Variants in ADAMTS20 observed in about 807,000 individuals in gnomAD.
ADAMTS20 encodes A disintegrin and metalloproteinase with thrombospondin motifs 20.
In ADAMTS20, 225 loss-of-function variants were observed where a neutral mutation model predicts 260.1. The observed-to-expected ratio is 0.87, with a 90% confidence interval of 0.78 to 0.97. ADAMTS20 has a LOEUF of 0.97. Ranked by LOEUF, ADAMTS20 falls within the 50% of genes least tolerant of loss-of-function variation. The pLI, the probability that ADAMTS20 is intolerant of heterozygous loss-of-function variation, is 0.00. For synonymous variants in ADAMTS20, 802 were observed against 769.5 expected, an observed-to-expected ratio of 1.04 and a Z score of -0.70; for missense variants, 2,400 against 2,337.7, an observed-to-expected ratio of 1.03 and a Z score of -0.55.
intron 18 of ADAMTS20, among the ~76,000 whole-genome samples, chr12:43,435,718 A>G (rs1036099530): frequency 1.3e-5 from 2 of 151,616 alleles, no homozygotes; most frequent in Non-Finnish European, 2.9e-5. Flanking sequence ...ACATGGATAC[A>G]GATACCAAGT....
intron 7 of ADAMTS20, among the ~76,000 whole-genome samples, chr12:43,469,259 G>T (rs1356070838): frequency 1.3e-5 from 2 of 152,004 alleles, no homozygotes; most frequent in Admixed American, 1.3e-4. Context: ...TATAATATAA[G>T]AATTACTGCC....
rs145356612 is a variant in ADAMTS20 at position 43,543,153 on chromosome 12, G to GA, written c.453+7755dup. Among the ~76,000 whole-genome samples, 1,469 of 150,622 alleles carry GA rather than the reference G, an allele frequency of 9.8e-3. 20 individuals carry two copies. The highest frequency in any genetic ancestry group is 0.027 in the African/African-American group (1,113 of 41,130). On this transcript the variant is annotated intron_variant, in intron 2 of 38. Transcript: ENST00000389420. ...CATCTCTACTGAAAATTTTAAAAAA[G>GA]AAAAAAAAACTGGTCAGGTGTGGGG...
intron 31 of ADAMTS20, among the ~76,000 whole-genome samples, chr12:43,383,069 C>T (rs1229281479): frequency 6.6e-6 from 1 of 151,702 alleles, no homozygotes; most frequent in East Asian, 1.9e-4. Flanking sequence ...ATATAGAAAA[C>T]AGGTAAGGTC....
intron 29 of ADAMTS20, among the ~76,000 whole-genome samples, chr12:43,396,020 GA>G (rs570142523): frequency 1.5e-4 from 22 of 148,226 alleles, no homozygotes; most frequent in Middle Eastern, 6.8e-3. Flanking sequence ...AAAATTAAAC[GA>G]AAAAAAAAAT....
At chr12:43,446,528 A>G (rs1480550332) in intron 15 of ADAMTS20, 67 bp downstream of exon 15, 1 of 1,187,208 alleles carries the variant, frequency 8.4e-7, no homozygotes, top group Non-Finnish European at 1.2e-6. Flanking sequence ...TTACTGTTAC[A>G]CCTTCTTTAC....
chr12:43,383,887 G>A lies in ADAMTS20; in HGVS notation c.4543C>T (p.Gln1515Ter). ...CTCTGAGAACAAGGTCGGGTGGACT[G>A]ATCACACATTTCTTCAACCACCTGA... ...VGQVVEEMCD[Q>*]STRPCSQRRC... The change falls in exon 30 of 39, where the codon CAG (glutamine) becomes TAG (stop). Residue 1515 changes from glutamine to a stop codon, truncating the protein, a stop_gained. Transcript: ENST00000389420. LOFTEE classifies it high-confidence loss of function. 6.2e-7 allele frequency: 1 copy of A among 1,613,910 alleles called. No individual in the cohort carries two copies. Among genetic ancestry groups the A allele is most frequent in the Non-Finnish European group, 8.5e-7 (1 of 1,179,858 alleles).
intron 4 of ADAMTS20, among the ~76,000 whole-genome samples, chr12:43,499,893 C>G (rs753189461): frequency 6.6e-6 from 1 of 152,112 alleles, no homozygotes; most frequent in Non-Finnish European, 1.5e-5. Context: ...CAAAATTGGT[C>G]CTGTGTTTAT....
intron 23 of ADAMTS20, 31 bp from the exon 24 acceptor site, chr12:43,429,755 CAT>C (rs1941404670): frequency 7.2e-7 from 1 of 1,381,962 alleles, no homozygotes; most frequent in African/African-American, 1.5e-5. Flanking sequence ...TCTCGTAAAA[CAT>C]TAATTAATGA....
intron 28 of ADAMTS20, among the ~76,000 whole-genome samples, chr12:43,422,364 A>T (rs977888472): frequency 5.3e-5 from 8 of 152,020 alleles, no homozygotes; most frequent in Admixed American, 5.2e-4. Flanking sequence ...AGTTAAAGTT[A>T]TCCATGAAAG....
At chr12:43,442,211 T>C (rs1941678927) in intron 16 of ADAMTS20, among the ~76,000 whole-genome samples, 1 of 152,200 alleles carries the variant, frequency 6.6e-6, no homozygotes, top group South Asian at 2.1e-4. Flanking sequence ...GATATTTCCG[T>C]TTATAATTTT....
chr12:43,449,929 T>C (rs1362665710), intron 14 of ADAMTS20, among the ~76,000 whole-genome samples: 1 of 152,164 alleles, frequency 6.6e-6, no homozygotes, highest in Non-Finnish European at 1.5e-5. Flanking sequence ...GGAATCTGCA[T>C]TGTAACACTG....
intron 2 of ADAMTS20, among the ~76,000 whole-genome samples, chr12:43,539,104 C>G (rs992951348): frequency 2.0e-5 from 3 of 152,026 alleles, no homozygotes; most frequent in African/African-American, 7.2e-5. Context: ...AGGCACCTGC[C>G]ACCGCGCCCA....
intron 37 of ADAMTS20, 76 bp from the exon 38 acceptor site, chr12:43,356,664 C>CCCCTTGCAATTGAG: frequency 4.0e-6 from 4 of 993,042 alleles, no homozygotes; most frequent in Non-Finnish European, 4.6e-6. Context: ...TTCTCAATTG[C>CCCCTTGCAATTGAG]AAGGGGCAAC....
chr12:43,430,748 G>A (rs1941426957), intron 22 of ADAMTS20, among the ~76,000 whole-genome samples: 1 of 152,132 alleles, frequency 6.6e-6, no homozygotes, highest in East Asian at 1.9e-4. Context: ...TGATATTTTA[G>A]AAAGCAGTCA....
intron 28 of ADAMTS20, among the ~76,000 whole-genome samples, chr12:43,409,238 ATAGTT>A (rs1235014796): frequency 2.6e-5 from 4 of 152,132 alleles, no homozygotes; most frequent in African/African-American, 9.6e-5. Context: ...AATTCAATAT[ATAGTT>A]TAAATATTGA....
At position 43,466,758 on chromosome 12, in the gene ADAMTS20, C is replaced by A. The variant is rs370580002; in HGVS notation, c.1261G>T (p.Glu421Ter). Reference sequence around the variant, plus strand: ...ACATGATACTTTGTAACTTTCATTTCTTTACATCTAGGATTATCATCATGT... The same window carrying A: ...ACATGATACTTTGTAACTTTCATTTATTTACATCTAGGATTATCATCATGT... ...VQHDDNPRCKEMKVTKYHVMA... is the reference protein window; with the variant it reads ...VQHDDNPRCK The change falls in exon 9 of 39, where the codon GAA becomes TAA. Residue 421 changes from glutamate to a stop codon, truncating the protein, a stop_gained. Transcript: ENST00000389420. LOFTEE classifies it high-confidence loss of function. 6 of 1,608,306 alleles carry A rather than the reference C, an allele frequency of 3.7e-6. No individual in the cohort carries two copies. The highest frequency in any genetic ancestry group is 1.7e-5 in the Admixed American group (1 of 59,702).
At chr12:43,511,942 A>T (rs1942930128) in intron 3 of ADAMTS20, among the ~76,000 whole-genome samples, 1 of 152,100 alleles carries the variant, frequency 6.6e-6, no homozygotes, top group Admixed American at 6.6e-5. Flanking sequence ...ACCATATCAG[A>T]TGTATTGTGA....
At chr12:43,475,645 G>C (rs534915369) in intron 7 of ADAMTS20, among the ~76,000 whole-genome samples, 1 of 151,442 alleles carries the variant, frequency 6.6e-6, no homozygotes, top group East Asian at 1.9e-4. Flanking sequence ...CCAAAACAGA[G>C]ATATAGATCA....
Position 43,425,658 on chromosome 12 carries a change from T to G in ADAMTS20, c.4140A>C (p.Ser1380=). ...CSQTCGGGIK[S]RLVICQFPNG... Reference sequence around the variant, plus strand: ...TGGGAAATTGACATATTACAAGTCTTGATTTTATTCCTCCTCCACATGTTT... The same window carrying G: ...TGGGAAATTGACATATTACAAGTCTGGATTTTATTCCTCCTCCACATGTTT... Residue 1380 remains serine (S), a synonymous_variant, in exon 28 of 39, where the codon TCA becomes TCC. Coordinates refer to ENST00000389420, the MANE Select transcript of ADAMTS20 (RefSeq NM_025003.5). 1 of 1,606,492 alleles carries G rather than the reference T, an allele frequency of 6.2e-7. No individual in the cohort carries two copies.
Sources: gnomAD v4.1 joint callset for allele counts (sites outside exome capture counted in the v4.1 genomes callset) on GRCh38, gnomAD v4.1.1 for gene constraint, MANE v1.5 for transcripts, NCBI Gene and HGNC (gene_info 2026-07-23, HGNC 2026-07-21) for gene names.